Variants in NCR1 observed in about 807,000 individuals in gnomAD.
NCR1 encodes NK cell-activating receptor.
In NCR1, 30 loss-of-function variants were observed where a neutral mutation model predicts 32.5. That is an observed-to-expected ratio of 0.92 (90% CI 0.69 to 1.25). The LOEUF is 1.25. Among genes scored for constraint, NCR1 ranks in the 50% most tolerant of loss-of-function variants. The pLI is 0.00. For synonymous variants in NCR1, 169 were observed against 143.4 expected, an observed-to-expected ratio of 1.18 and a Z score of -1.28; for missense variants, 369 against 380.7, an observed-to-expected ratio of 0.97 and a Z score of 0.26.
chr19:54,934,521 C>T, the NCR1 span: 3 of 1,614,178 alleles, frequency 1.9e-6, no homozygotes, highest in Non-Finnish European at 2.5e-6. This position sits in a 1 kb window ranked among gnomAD's most constrained non-coding sequence, Gnocchi z 6.7. Flanking sequence ...TTGGGCGTGT[C>T]ATGGTCTTGT....
chr19:54,916,400 C>A (rs1251149279), downstream of NCR1, among the ~76,000 whole-genome samples: 1 of 144,302 alleles, frequency 6.9e-6, no homozygotes, highest in East Asian at 2.0e-4. Context: ...GACTCTGCAA[C>A]CTCCGCCTCC....
At chr19:54,906,273 C>T (rs904155738) in intron 1 of NCR1, 26 bp from the exon 2 acceptor site, 1 of 1,614,036 alleles carries the variant, frequency 6.2e-7, no homozygotes, top group African/African-American at 1.3e-5. Context: ...TGGGAGGCAA[C>T]AGGTCTCATT....
rs768399684 is a variant in NCR1 at position 54,906,199 on chromosome 19, A to C, written c.12A>C (p.Thr4=). 3 of 1,613,534 alleles carry C rather than the reference A, an allele frequency of 1.9e-6. No homozygotes were observed. In the Admixed American group the frequency reaches 5.0e-5, roughly 27 times the overall value. ...GCAGAATCTGAGCGATGTCTTCCAC[A>C]CTCCCTGCCCTGCTCTGCGTCGGTG... The part of the protein sequence containing the change: MSS[T]LPALLCVGLC... The change falls in exon 1 of 7, where the codon ACA becomes ACC. Residue 4 remains threonine, a synonymous_variant. Transcript: ENST00000291890.
downstream of NCR1, among the ~76,000 whole-genome samples, chr19:54,915,326 C>T (rs981758412): frequency 1.3e-5 from 2 of 152,132 alleles, no homozygotes; most frequent in African/African-American, 4.8e-5. Context: ...CATCGCTTTC[C>T]TCCCTGAGAA....
upstream of NCR1, among the ~76,000 whole-genome samples, chr19:54,903,276 A>C (rs2067333924): frequency 6.7e-6 from 1 of 150,108 alleles, no homozygotes; most frequent in Admixed American, 6.7e-5. Flanking sequence ...GTATATATAT[A>C]TGTATATACA....
At chr19:54,920,449 T>C (rs1450394790), downstream of NCR1, among the ~76,000 whole-genome samples, 2 of 152,152 alleles carry the variant, frequency 1.3e-5, no homozygotes, top group Non-Finnish European at 2.9e-5. Flanking sequence ...GTGACTCTAT[T>C]TGGACACAGG....
At chr19:54,911,326 G>A (rs2067964247) in intron 5 of NCR1, among the ~76,000 whole-genome samples, 1 of 149,348 alleles carries the variant, frequency 6.7e-6, no homozygotes, top group Non-Finnish European at 1.5e-5. Context: ...TCCAGCCTGG[G>A]CGACAGAGTG....
chr19:54,910,426 C>T (rs748553283), intron 5 of NCR1, among the ~76,000 whole-genome samples: 5 of 152,042 alleles, frequency 3.3e-5, no homozygotes, highest in Admixed American at 3.3e-4. Context: ...AAAAATTAGC[C>T]GGGCCTGGTG....
At chr19:54,903,361 T>C (rs1190971846), upstream of NCR1, among the ~76,000 whole-genome samples, 5 of 128,310 alleles carry the variant, frequency 3.9e-5, 1 homozygote, top group African/African-American at 1.7e-4. Flanking sequence ...CATATATACA[T>C]ACATGTATAT....
At chr19:54,925,243 G>A in the NCR1 span, among the ~76,000 whole-genome samples, 5 of 152,106 alleles carry the variant, frequency 3.3e-5, no homozygotes, top group Admixed American at 6.6e-5. Flanking sequence ...CTAGAGATTT[G>A]TCACCAATAG....
At chr19:54,916,702 A>ATTTTT (rs35842513), downstream of NCR1, among the ~76,000 whole-genome samples, 60 of 50,474 alleles carry the variant, frequency 1.2e-3, 3 homozygotes, top group East Asian at 5.6e-3. Context: ...CAACTGTTCT[A>ATTTTT]TTTTTTTTTT....
the NCR1 span, chr19:54,933,539 C>T: frequency 2.1e-6 from 3 of 1,437,454 alleles, no homozygotes; most frequent in Non-Finnish European, 9.6e-7. Context: ...AATTCATGTG[C>T]ACACACACAC....
the NCR1 span, chr19:54,923,653 C>T: frequency 2.1e-6 from 3 of 1,442,318 alleles, no homozygotes; most frequent in East Asian, 2.3e-5. Context: ...CTAGTGTTAA[C>T]ATGTGACCCT....
At chr19:54,926,205 G>GGT in the NCR1 span, among the ~76,000 whole-genome samples, 1,290 of 143,696 alleles carry the variant, frequency 9.0e-3, 29 homozygotes, top group East Asian at 0.11. Context: ...AATGATTAGG[G>GGT]GTGTGTGTGT....
the NCR1 span, among the ~76,000 whole-genome samples, chr19:54,922,735 G>A: frequency 7.3e-5 from 10 of 136,710 alleles, no homozygotes; most frequent in African/African-American, 2.5e-4. Flanking sequence ...CTGAGATCAC[G>A]CCATTGCACT....
the NCR1 span, among the ~76,000 whole-genome samples, chr19:54,923,004 AG>A: frequency 6.6e-6 from 1 of 152,016 alleles, no homozygotes; most frequent in African/African-American, 2.4e-5. Context: ...ACACACAGAG[AG>A]TAGGAGGCGG....
chr19:54,924,467 A>T, the NCR1 span, among the ~76,000 whole-genome samples: 1 of 152,086 alleles, frequency 6.6e-6, no homozygotes, highest in African/African-American at 2.4e-5. Context: ...TACCAAAAAT[A>T]GAAAAAGTTA....
At chr19:54,903,377 T>C (rs1008177514), upstream of NCR1, among the ~76,000 whole-genome samples, 1,608 of 140,000 alleles carry the variant, frequency 0.011, 15 homozygotes, top group Non-Finnish European at 0.017. Context: ...TATATATACA[T>C]GTATGTATAT....
chr19:54,915,810 C>G (rs1379130359), downstream of NCR1: 1 of 148,774 alleles, frequency 6.7e-6, no homozygotes, highest in African/African-American at 2.5e-5. Context: ...CCACTGCACT[C>G]CAGCCTGGGC....
Sources: allele counts gnomAD v4.1 joint callset (sites outside exome capture counted in the v4.1 genomes callset), GRCh38; gene constraint gnomAD v4.1.1; non-coding constraint Gnocchi (gnomAD v3.1); transcripts MANE v1.5; gene names NCBI Gene and HGNC (gene_info 2026-07-23, HGNC 2026-07-21).